Variants in TUFT1 observed in about 807,000 individuals in gnomAD.
TUFT1 encodes the protein tuftelin 1, also known as tuftelin.
TUFT1 carries 43 observed loss-of-function variants against 57.8 expected under a neutral mutation model. The ratio of observed to expected loss-of-function variants is 0.74; its 90% CI spans 0.58 to 0.96. The LOEUF is 0.96. Ranked by LOEUF, TUFT1 falls within the 40% of genes least tolerant of loss-of-function variation. The pLI is 0.00. For synonymous variants in TUFT1, 166 were observed against 176.7 expected (o/e 0.94, Z 0.48); for missense variants, 459 against 489.0 (o/e 0.94, Z 0.58).
intron 7 of TUFT1, among the ~76,000 whole-genome samples, chr1:151,573,686 T>C (rs770679515): frequency 2.0e-5 from 3 of 152,196 alleles, no homozygotes; most frequent in East Asian, 1.9e-4. Flanking sequence ...AAAGGTTGCA[T>C]TGAGCCAAGA....
chr1:151,581,601 A>G, intron 12 of TUFT1, 43 bp from the exon 13 acceptor site: 1 of 1,603,992 alleles, frequency 6.2e-7, no homozygotes, highest in Non-Finnish European at 8.5e-7. Context: ...GCCACAACAC[A>G]GCTGTTCCCA....
chr1:151,582,569 T>A lies in TUFT1; in HGVS notation c.*862T>A. The A allele has an allele frequency of 4.6e-6, 1 of 215,168 alleles. No individual in the cohort carries two copies. Among genetic ancestry groups the A allele is most frequent in the East Asian group, 1.2e-4 (1 of 8,160 alleles). The allele number at this position is 215,168 out of a possible 1,614,324, so 13.3% of individuals were successfully genotyped here. A position where few individuals can be genotyped will look rare whatever the true frequency, so the allele number is the denominator to read the frequency against. ...TATTGGTGGTTTTGCTTACATCTCA[T>A]GATTGATATAATACCAAAGTTCTAT... is the stretch of plus-strand genomic sequence containing the variant. On this transcript the variant is annotated 3_prime_UTR_variant, in exon 13 of 13. Coordinates refer to ENST00000368849, the MANE Select transcript of TUFT1 (RefSeq NM_020127.3).
At chr1:151,568,637 A>G (rs1407097830) in intron 6 of TUFT1, among the ~76,000 whole-genome samples, 2 of 152,252 alleles carry the variant, frequency 1.3e-5, no homozygotes, top group South Asian at 4.1e-4. Flanking sequence ...TGGATAACTC[A>G]TGACATCTAG....
rs575460166 is a variant in TUFT1, at chr1:151,541,610, A to C, written c.60+1184A>C. 2.6e-5 allele frequency among the ~76,000 whole-genome samples: 4 copies of C among 152,268 alleles called. No homozygotes were observed. The East Asian group carries it at 7.7e-4, about 29-fold the overall frequency. The stretch of plus-strand genomic sequence containing the variant: ...GCAGCTAGATTATGGCTCTTCTTCA[A>C]ACTCATTTCAGGTTTAGAATACAGA... On this transcript the variant is annotated intron_variant, in intron 1 of 12. Transcript: ENST00000368849.
In TUFT1 at chr1:151,581,857, C is replaced by T. The variant is rs1666656275; in HGVS notation, c.*150C>T. The stretch of plus-strand genomic sequence containing the variant: ...CTCCTGTGTCTCACCATTCCCAAGC[C>T]CCTGGCCACTCTAAGCTGGGCAGAC... On this transcript the variant is annotated 3_prime_UTR_variant, in exon 13 of 13. Transcript: ENST00000368849. The T allele has an allele frequency of 3.9e-6, 3 of 770,492 alleles. No homozygotes were observed. Among genetic ancestry groups the T allele is most frequent in the East Asian group, 2.7e-5 (1 of 37,404 alleles). 47.7% of individuals were successfully genotyped at this position (770,492 alleles called of 1,614,324 possible).
At chr1:151,546,275 C>T (rs981466402) in intron 1 of TUFT1, among the ~76,000 whole-genome samples, 2 of 152,064 alleles carry the variant, frequency 1.3e-5, no homozygotes, top group African/African-American at 2.4e-5. Context: ...AGTTTAATGC[C>T]AAGTCTTTCC....
chr1:151,570,733 G>A (rs1317294042), intron 7 of TUFT1, among the ~76,000 whole-genome samples: 1 of 151,570 alleles, frequency 6.6e-6, no homozygotes, highest in African/African-American at 2.4e-5. Context: ...TTTGGAGACA[G>A]GGTCTCACTC....
chr1:151,542,984 G>C (rs372574282), intron 1 of TUFT1, among the ~76,000 whole-genome samples: 1 of 152,180 alleles, frequency 6.6e-6, no homozygotes, highest in African/African-American at 2.4e-5. Flanking sequence ...TGTTTCTTCC[G>C]GAGTCAGAAT....
chr1:151,549,005 C>T (rs894729389), intron 1 of TUFT1, among the ~76,000 whole-genome samples: 2 of 152,076 alleles, frequency 1.3e-5, no homozygotes, highest in Non-Finnish European at 2.9e-5. Flanking sequence ...TGTGTTTACC[C>T]CCTCCCTGCT....
intron 12 of TUFT1, 22 bp from the exon 13 acceptor site, chr1:151,581,615 CAACTCAG>C: frequency 6.2e-7 from 1 of 1,612,524 alleles, no homozygotes; most frequent in Non-Finnish European, 8.5e-7. Flanking sequence ...GTTCCCAGCA[CAACTCAG>C]TGTTTCCAAC....
At chr1:151,548,882 T>A (rs931923907) in intron 1 of TUFT1, among the ~76,000 whole-genome samples, 2 of 152,304 alleles carry the variant, frequency 1.3e-5, no homozygotes, top group East Asian at 3.9e-4. Context: ...CTTTTCCCTA[T>A]TCACATGAGC....
At chr1:151,568,302 T>G (rs953214843) in intron 6 of TUFT1, among the ~76,000 whole-genome samples, 1 of 152,202 alleles carries the variant, frequency 6.6e-6, no homozygotes, top group Admixed American at 6.5e-5. Context: ...GCTTTAAATA[T>G]GCCTGTAAAA....
At chr1:151,569,469 A>G (rs780607321) in intron 6 of TUFT1, among the ~76,000 whole-genome samples, 188 bp from the exon 7 acceptor site, 2 of 152,192 alleles carry the variant, frequency 1.3e-5, no homozygotes, top group Non-Finnish European at 1.5e-5. Context: ...ATGAAGGGAC[A>G]ATGTTTCATT....
rs1200466452 is a variant in TUFT1, at chr1:151,581,765, C to T, written c.*58C>T. The T allele has an allele frequency of 3.8e-6, 6 of 1,562,346 alleles. No individual in the cohort carries two copies. The highest frequency in any genetic ancestry group is 1.4e-5 in the African/African-American group (1 of 74,000). On this transcript the variant is annotated 3_prime_UTR_variant, in exon 13 of 13. Coordinates refer to ENST00000368849, the MANE Select transcript of TUFT1 (RefSeq NM_020127.3). ...GCCTCTGCCTCGGAGAAGCCCACTG[C>T]CCCTGTTGGCTGTTAACACTGCCTT...
chr1:151,557,383 A>C, intron 1 of TUFT1: 1 of 703,562 alleles, frequency 1.4e-6, no homozygotes, highest in Non-Finnish European at 2.5e-6. Context: ...TAATCATCAA[A>C]TGTAACTTAG....
At chr1:151,568,280 A>G (rs1173238371) in intron 6 of TUFT1, among the ~76,000 whole-genome samples, 1 of 152,112 alleles carries the variant, frequency 6.6e-6, no homozygotes, top group Non-Finnish European at 1.5e-5. Flanking sequence ...ACTCTAATGA[A>G]TTCAATATAT....
At chr1:151,570,121 C>T (rs1666211540) in intron 7 of TUFT1, among the ~76,000 whole-genome samples, 1 of 152,200 alleles carries the variant, frequency 6.6e-6, no homozygotes, top group Non-Finnish European at 1.5e-5. Flanking sequence ...CTGCTGCTGA[C>T]ATGTCACCCC....
rs1665309987 is a variant in TUFT1 at position 151,545,654 on chromosome 1, T to A, written c.60+5228T>A. On this transcript the variant is annotated intron_variant, in intron 1 of 12. Transcript: ENST00000368849. Reference sequence around the variant, plus strand: ...GAGGAAGAGTCTGGGAACTCTCTGGTTTGGGCAAGGTTTGCTCCTCCTCAT... The same window carrying A: ...GAGGAAGAGTCTGGGAACTCTCTGGATTGGGCAAGGTTTGCTCCTCCTCAT... The A allele has an allele frequency of 9.5e-6, 3 of 315,444 alleles. No homozygotes were observed. In the Admixed American group the frequency reaches 1.1e-4, roughly 12 times the overall value. The allele number at this position is 315,444 out of a possible 1,614,324, so 19.5% of individuals were successfully genotyped here. A position where few individuals can be genotyped will look rare whatever the true frequency, so the allele number is the denominator to read the frequency against.
chr1:151,577,915 A>C (rs1666528387), intron 9 of TUFT1, among the ~76,000 whole-genome samples: 1 of 151,990 alleles, frequency 6.6e-6, no homozygotes, highest in Non-Finnish European at 1.5e-5. Context: ...AGTCCCAGCT[A>C]CATGGGAGAC....
Sources: gnomAD v4.1 joint callset for allele counts (sites outside exome capture counted in the v4.1 genomes callset) on GRCh38, gnomAD v4.1.1 for gene constraint, MANE v1.5 for transcripts, NCBI Gene and HGNC (gene_info 2026-07-23, HGNC 2026-07-21) for gene names.